SIRPG: variants seen among roughly 807,000 people sequenced by gnomAD.
SIRPG encodes the protein signal regulatory protein gamma, also known as signal-regulatory protein gamma.
SIRPG carries 38 observed loss-of-function variants against 35.7 expected under a neutral mutation model. That is an observed-to-expected ratio of 1.06 (90% CI 0.82 to 1.40). SIRPG has a LOEUF of 1.40. SIRPG is among the 40% of genes most tolerant of loss of function. SIRPG has a pLI of 0.00. For synonymous variants in SIRPG, 215 were observed against 190.4 expected, an observed-to-expected ratio of 1.13 and a Z score of -1.06; for missense variants, 519 against 483.0, an observed-to-expected ratio of 1.07 and a Z score of -0.70.
At chr20:1,659,853 C>T (rs528716781), upstream of SIRPG, among the ~76,000 whole-genome samples, 15 of 152,278 alleles carry the variant, frequency 9.9e-5, no homozygotes, top group South Asian at 6.2e-4. Context: ...CCATGCTCCA[C>T]GAGGCCCTGA....
the SIRPG span, among the ~76,000 whole-genome samples, chr20:1,678,023 A>G: frequency 6.6e-6 from 1 of 152,246 alleles, no homozygotes; most frequent in Non-Finnish European, 1.5e-5. Flanking sequence ...TGTATAGGAA[A>G]GCATCATGTG....
intron 2 of SIRPG, among the ~76,000 whole-genome samples, chr20:1,641,252 G>A (rs1439747041): frequency 6.6e-6 from 1 of 152,088 alleles, no homozygotes; most frequent in African/African-American, 2.4e-5. Flanking sequence ...GCTTTTTTTG[G>A]TTGGTAGGCT....
chr20:1,642,431 C>T (rs1490902837), intron 2 of SIRPG, among the ~76,000 whole-genome samples: 1 of 152,136 alleles, frequency 6.6e-6, no homozygotes, highest in Non-Finnish European at 1.5e-5. Flanking sequence ...GTAAATTTTC[C>T]TCCATCCGTT....
chr20:1,679,646 TG>T, the SIRPG span, among the ~76,000 whole-genome samples: 1 of 152,194 alleles, frequency 6.6e-6, no homozygotes, highest in South Asian at 2.1e-4. Context: ...CATCTTCATA[TG>T]TCTCTCCAAA....
chr20:1,650,004 GTATATATA>G (rs71193923), intron 1 of SIRPG, among the ~76,000 whole-genome samples: 2 of 98,836 alleles, frequency 2.0e-5, no homozygotes, highest in African/African-American at 7.8e-5. Context: ...TTTGAAGTGT[GTATATATA>G]TATATATATA....
chr20:1,647,658 A>G (rs2091907631), intron 2 of SIRPG: 1 of 152,190 alleles, frequency 6.6e-6, no homozygotes, highest in African/African-American at 2.4e-5. Flanking sequence ...CCATCAACAG[A>G]ATGCTGTGAA....
chr20:1,653,637 G>A (rs148299659), intron 1 of SIRPG, among the ~76,000 whole-genome samples: 9 of 152,160 alleles, frequency 5.9e-5, no homozygotes, highest in Non-Finnish European at 2.9e-5. Context: ...GAGGGAAAAT[G>A]CATTTTACCA....
At chr20:1,640,580 C>T (rs1437846560) in intron 2 of SIRPG, among the ~76,000 whole-genome samples, 2 of 152,172 alleles carry the variant, frequency 1.3e-5, no homozygotes, top group African/African-American at 2.4e-5. Flanking sequence ...TTCCTCTCTT[C>T]TTATTTGAAT....
Position 1,636,216 on chromosome 20 carries a change from C to G in SIRPG, c.720G>C (p.Gly240=), listed in dbSNP as rs1204315562. The change falls in exon 3 of 6, where the codon GGG becomes GGC. Residue 240 remains glycine (G), a synonymous_variant. Coordinates refer to ENST00000303415, the MANE Select transcript of SIRPG (RefSeq NM_018556.4). ...GGATGGCCTCAGACAAGTTGGCAGTCCCACGAAGAGGGTCCCCCTGCAAGG... is the reference window on the plus strand; with the variant it reads ...GGATGGCCTCAGACAAGTTGGCAGTGCCACGAAGAGGGTCCCCCTGCAAGG... ...HVTLQGDPLR[G]TANLSEAIRV... is the part of the protein sequence containing the mutation. The G allele has an allele frequency of 6.2e-7, 1 of 1,614,118 alleles. No individual in the cohort carries two copies. Among genetic ancestry groups the G allele is most frequent in the South Asian group, 1.1e-5 (1 of 91,090 alleles).
At chr20:1,675,218 C>A in the SIRPG span, among the ~76,000 whole-genome samples, 1 of 152,150 alleles carries the variant, frequency 6.6e-6, no homozygotes, top group African/African-American at 2.4e-5. Context: ...TCCTCAGCAC[C>A]AAGAAGGGGT....
At chr20:1,650,656 A>C (rs2091934942) in intron 1 of SIRPG, among the ~76,000 whole-genome samples, 1 of 152,196 alleles carries the variant, frequency 6.6e-6, no homozygotes, top group Non-Finnish European at 1.5e-5. Context: ...CCGGGGAAAA[A>C]AAAGAGGAAG....
At chr20:1,657,500 C>A in intron 1 of SIRPG, 142 bp downstream of exon 1, 1 of 815,774 alleles carries the variant, frequency 1.2e-6, no homozygotes, top group East Asian at 2.7e-5. Flanking sequence ...TGCTCAGCTC[C>A]CTGATCTTCT....
chr20:1,681,337 A>G, the SIRPG span, among the ~76,000 whole-genome samples: 1 of 152,196 alleles, frequency 6.6e-6, no homozygotes, highest in African/African-American at 2.4e-5. Context: ...CTCTAGATTA[A>G]GAGTGCCTGA....
chr20:1,633,578 A>C (rs1016258855), intron 4 of SIRPG: 3 of 152,238 alleles, frequency 2.0e-5, no homozygotes, highest in African/African-American at 7.2e-5. Flanking sequence ...AGCTGTGGAC[A>C]TGATCACACG....
intron 2 of SIRPG, among the ~76,000 whole-genome samples, chr20:1,639,841 C>T (rs550014825): frequency 3.4e-4 from 52 of 152,340 alleles, no homozygotes; most frequent in African/African-American, 8.7e-4. Flanking sequence ...CTGCATATGG[C>T]TAACCAGTTT....
At chr20:1,630,381 A>T (rs1357514612) in intron 4 of SIRPG, 75 bp from the exon 5 acceptor site, 3 of 1,175,372 alleles carry the variant, frequency 2.6e-6, no homozygotes, top group Non-Finnish European at 3.6e-6. Context: ...CACTTACCCC[A>T]TCTGAGGCTG....
intron 2 of SIRPG, among the ~76,000 whole-genome samples, chr20:1,645,575 G>A (rs1013830135): frequency 6.6e-6 from 1 of 152,170 alleles, no homozygotes; most frequent in Non-Finnish European, 1.5e-5. Context: ...AACATTTACT[G>A]CATTCCAGGT....
At chr20:1,661,165 A>T (rs139465216), upstream of SIRPG, among the ~76,000 whole-genome samples, 98 of 152,322 alleles carry the variant, frequency 6.4e-4, no homozygotes, top group Middle Eastern at 3.4e-3. Context: ...TTTAAAAAAC[A>T]GATCCTCTGC....
intron 1 of SIRPG, among the ~76,000 whole-genome samples, chr20:1,650,770 G>A (rs1053835297): frequency 6.6e-6 from 1 of 152,122 alleles, no homozygotes; most frequent in African/African-American, 2.4e-5. Context: ...AGAAATGCAA[G>A]TTTAACTCAA....
Sources: allele counts gnomAD v4.1 joint callset (sites outside exome capture counted in the v4.1 genomes callset), GRCh38; gene constraint gnomAD v4.1.1; transcripts MANE v1.5; gene names NCBI Gene and HGNC (gene_info 2026-07-23, HGNC 2026-07-21).